C12orf60: variants seen among roughly 807,000 people sequenced by gnomAD.
C12orf60 encodes the protein chromosome 12 open reading frame 60.
For synonymous variants in C12orf60, 102 were observed against 94.6 expected (o/e 1.08, Z -0.45); for missense variants, 284 against 283.2 (o/e 1.00, Z -0.02).
At chr12:14,811,650 T>C (rs1950140062) in intron 1 of C12orf60, among the ~76,000 whole-genome samples, 1 of 152,238 alleles carries the variant, frequency 6.6e-6, no homozygotes, top group Non-Finnish European at 1.5e-5. Flanking sequence ...AGAAATATGC[T>C]GATAATTGTG....
intron 1 of C12orf60, among the ~76,000 whole-genome samples, chr12:14,822,128 T>C (rs985373583): frequency 8.9e-5 from 2 of 22,472 alleles, no homozygotes; most frequent in African/African-American, 3.4e-4. Flanking sequence ...GAGGGTGGGG[T>C]GGGGGGGCTA....
chr12:14,809,766 A>C (rs1482910751), intron 1 of C12orf60, among the ~76,000 whole-genome samples: 1 of 152,214 alleles, frequency 6.6e-6, no homozygotes, highest in African/African-American at 2.4e-5. Context: ...CCAATGTAAA[A>C]AGAACTGAAA....
chr12:14,823,036 C>G lies in C12orf60; in HGVS notation c.101C>G (p.Thr34Ser), dbSNP rs758815692. Residue 34 changes from threonine (T) to serine (S), a missense_variant, in exon 2 of 2, where the codon ACT (threonine) becomes AGT (serine). By Grantham distance (58) the Thr-to-Ser change is moderately conservative. Transcript: ENST00000330828. ...QDLASVINTLTELFSRSMNTQ... is the reference protein window; with the variant it reads ...QDLASVINTLSELFSRSMNTQ... Reference sequence around the variant, plus strand: ...CTTGCTTCTGTCATAAACACACTGACTGAATTGTTTAGCCGCAGTATGAAT... The same window carrying G: ...CTTGCTTCTGTCATAAACACACTGAGTGAATTGTTTAGCCGCAGTATGAAT... 1 of 1,613,954 alleles carries G rather than the reference C, an allele frequency of 6.2e-7. No individual in the cohort carries two copies. Among genetic ancestry groups the G allele is most frequent in the Non-Finnish European group, 8.5e-7 (1 of 1,179,844 alleles).
rs772623424 is a variant in C12orf60, at chr12:14,823,156, T to A, written c.221T>A (p.Val74Glu). The A allele has an allele frequency of 4.1e-5, 66 of 1,614,076 alleles. No individual in the cohort carries two copies. The highest frequency in any genetic ancestry group is 4.8e-5 in the Non-Finnish European group (57 of 1,180,036). Reference sequence around the variant, plus strand: ...ATTTTTAAGGAGATGCAATCTGTAGTGGATGCAAGACATGACAAAATTCAA... The same window carrying A: ...ATTTTTAAGGAGATGCAATCTGTAGAGGATGCAAGACATGACAAAATTCAA... ...LKIFKEMQSV[V>E]DARHDKIQKE... is the part of the protein sequence containing the mutation. The change falls in exon 2 of 2, where the codon GTG (valine) becomes GAG (glutamate). Residue 74 changes from valine to glutamate, a missense_variant. Transcript: ENST00000330828.
chr12:14,813,458 G>A (rs1950170918), intron 1 of C12orf60, among the ~76,000 whole-genome samples: 1 of 152,196 alleles, frequency 6.6e-6, no homozygotes, highest in African/African-American at 2.4e-5. Context: ...TGATCATGAT[G>A]TGATGATATA....
chr12:14,820,934 T>C (rs1007754946), intron 1 of C12orf60, among the ~76,000 whole-genome samples: 2 of 152,138 alleles, frequency 1.3e-5, no homozygotes, highest in Non-Finnish European at 2.9e-5. Context: ...TTTAATGATA[T>C]TGTAAAGGTC....
At chr12:14,806,400 G>T in intron 1 of C12orf60, 2 of 1,614,138 alleles carry the variant, frequency 1.2e-6, no homozygotes, top group African/African-American at 1.3e-5. Context: ...TCTATAGAGG[G>T]TTGGCTCTAG....
rs1234698728 is a variant in C12orf60, at chr12:14,813,685, A to AGG, written c.-24-9226_-24-9225dup. Among the ~76,000 whole-genome samples, 3 of 152,344 alleles carry AGG rather than the reference A, an allele frequency of 2.0e-5. No homozygotes were observed. The East Asian group carries it at 5.8e-4, about 29-fold the overall frequency. On this transcript the variant is annotated intron_variant, in intron 1 of 1. Transcript: ENST00000330828. Reference sequence around the variant, plus strand: ...TATTTAGATACAACATAATTTATGAAGGAGTATAAGTACTATACATTAACC... The same window carrying AGG: ...TATTTAGATACAACATAATTTATGAAGGGGAGTATAAGTACTATACATTAACC...
intron 1 of C12orf60, among the ~76,000 whole-genome samples, chr12:14,807,459 G>C (rs1366396950): frequency 6.6e-6 from 1 of 152,148 alleles, no homozygotes; most frequent in Non-Finnish European, 1.5e-5. Context: ...ACTCTAGTCA[G>C]GGCCAGATAA....
At chr12:14,816,520 A>G (rs563918238) in intron 1 of C12orf60, among the ~76,000 whole-genome samples, 25 of 152,074 alleles carry the variant, frequency 1.6e-4, no homozygotes, top group East Asian at 1.5e-3. Flanking sequence ...TTTCTTCTTC[A>G]CAGTTAGACT....
At chr12:14,809,309 A>G (rs1253596732) in intron 1 of C12orf60, among the ~76,000 whole-genome samples, 1 of 152,166 alleles carries the variant, frequency 6.6e-6, no homozygotes, top group Non-Finnish European at 1.5e-5. Context: ...TTTTAGCACA[A>G]CTTCACGAAT....
At chr12:14,806,274 A>G (rs1423330652) in intron 1 of C12orf60, 1 of 1,614,254 alleles carries the variant, frequency 6.2e-7, no homozygotes, top group African/African-American at 1.3e-5. Flanking sequence ...ATTTGAGCCC[A>G]CAAGTTTAAC....
Position 14,806,446 on chromosome 12 carries a change from C to T in C12orf60, c.-25+2695C>T, listed in dbSNP as rs1428244445. On this transcript the variant is annotated intron_variant, in intron 1 of 1. Transcript: ENST00000330828. The stretch of plus-strand genomic sequence containing the variant: ...AGTGCTTCATCAACCTTCTGCAATT[C>T]CTTTTGGATTTTCATAATGGCTTGG... 4 of 1,613,998 alleles carry T rather than the reference C, an allele frequency of 2.5e-6. No homozygotes were observed. In the South Asian group the frequency reaches 3.3e-5, roughly 13 times the overall value.
chr12:14,821,297 T>C (rs1950301200), intron 1 of C12orf60, among the ~76,000 whole-genome samples: 1 of 152,188 alleles, frequency 6.6e-6, no homozygotes, highest in Non-Finnish European at 1.5e-5. Flanking sequence ...ACTTAGTGAT[T>C]TTAAACAACA....
chr12:14,808,723 GTAAAA>G (rs1565679477), intron 1 of C12orf60, among the ~76,000 whole-genome samples: 1 of 152,138 alleles, frequency 6.6e-6, no homozygotes, highest in Non-Finnish European at 1.5e-5. Context: ...GAACCTCCTG[GTAAAA>G]TAAACTACCA....
chr12:14,813,074 G>T (rs1407552241), intron 1 of C12orf60, among the ~76,000 whole-genome samples: 1 of 152,134 alleles, frequency 6.6e-6, no homozygotes, highest in Non-Finnish European at 1.5e-5. Context: ...AAAAAAGATT[G>T]GCCTTGTTTT....
intron 1 of C12orf60, among the ~76,000 whole-genome samples, chr12:14,810,500 G>C (rs1950120180): frequency 6.6e-6 from 1 of 152,100 alleles, no homozygotes; most frequent in Non-Finnish European, 1.5e-5. Context: ...AAAAAGACAT[G>C]GTCCTTGCTT....
At chr12:14,803,980 G>A (rs1950007969) in intron 1 of C12orf60, among the ~76,000 whole-genome samples, 1 of 152,070 alleles carries the variant, frequency 6.6e-6, no homozygotes, top group South Asian at 2.1e-4. Flanking sequence ...CCTAGTACGT[G>A]TGGAAATTTA....
intron 1 of C12orf60, among the ~76,000 whole-genome samples, chr12:14,812,360 C>T (rs1364873705): frequency 3.3e-5 from 5 of 152,108 alleles, no homozygotes; most frequent in African/African-American, 1.2e-4. Context: ...AGGAGAATGG[C>T]ATGAGCCTGG....
Sources: allele counts gnomAD v4.1 joint callset (sites outside exome capture counted in the v4.1 genomes callset), GRCh38; gene constraint gnomAD v4.1.1; transcripts MANE v1.5; gene names NCBI Gene and HGNC (gene_info 2026-07-23, HGNC 2026-07-21).